P4HA3: variants seen among roughly 807,000 people sequenced by gnomAD.
The protein encoded by P4HA3 is prolyl 4-hydroxylase subunit alpha-3.
P4HA3 carries 60 observed loss-of-function variants against 66.7 expected under a neutral mutation model. The observed-to-expected ratio is 0.90, with a 90% CI of 0.73 to 1.12. The LOEUF (loss-of-function observed/expected upper bound fraction) is 1.12, where lower values mean the gene tolerates loss of function less well. P4HA3 is among the 50% of genes most tolerant of loss of function. The pLI is 0.00. For synonymous variants in P4HA3, 263 were observed against 274.6 expected, an observed-to-expected ratio of 0.96 and a Z score of 0.42; for missense variants, 683 against 685.8, an observed-to-expected ratio of 1.00 and a Z score of 0.05.
intron 10 of P4HA3, 77 bp from the exon 11 acceptor site, chr11:74,269,797 A>G: frequency 7.3e-7 from 1 of 1,372,156 alleles, no homozygotes; most frequent in Non-Finnish European, 1.0e-6. Context: ...TCACATCTGC[A>G]TAGATTCCTT....
chr11:74,252,559 A>G, intron 15 of P4HA3: 1 of 454,498 alleles, frequency 2.2e-6, no homozygotes, highest in Middle Eastern at 6.7e-4. Context: ...GCTCTAGAGC[A>G]GGGTTTTCAA....
At position 74,269,735 on chromosome 11, in the gene P4HA3, G is replaced by C. The variant is rs1363127321; in HGVS notation, c.1399-15C>G. 35 of 1,613,158 alleles carry C rather than the reference G, an allele frequency of 2.2e-5. No homozygotes were observed. Among genetic ancestry groups the C allele is most frequent in the Non-Finnish European group, 2.7e-5 (32 of 1,179,550 alleles). On this transcript the variant is annotated splice_polypyrimidine_tract_variant and intron_variant, in intron 10 of 12. Coordinates refer to ENST00000331597, the MANE Select transcript of P4HA3 (RefSeq NM_182904.5). ...ACCGAGCTCAGCTACAAGACCAGAG[G>C]AAGAAGCCAGAGTTAAAACTGCCAC...
intron 7 of P4HA3, 31 bp from the exon 8 acceptor site, chr11:74,279,483 G>C: frequency 6.2e-7 from 1 of 1,609,354 alleles, no homozygotes; most frequent in Non-Finnish European, 8.5e-7. Context: ...CAAAGTCCAA[G>C]TGGTTATGAT....
chr11:74,279,040 G>A (rs1860499478), intron 8 of P4HA3, among the ~76,000 whole-genome samples: 1 of 152,208 alleles, frequency 6.6e-6, no homozygotes, highest in Non-Finnish European at 1.5e-5. Context: ...TGAGTCAGGA[G>A]GTGGGAATGG....
chr11:74,292,251 C>A (rs1431444354), intron 4 of P4HA3, among the ~76,000 whole-genome samples: 1 of 152,156 alleles, frequency 6.6e-6, no homozygotes, highest in African/African-American at 2.4e-5. Flanking sequence ...TTATAGTATT[C>A]TCTGATGGTA....
chr11:74,289,486 G>C (rs931060777), intron 4 of P4HA3, among the ~76,000 whole-genome samples: 1 of 151,766 alleles, frequency 6.6e-6, no homozygotes, highest in African/African-American at 2.4e-5. Context: ...GGGTACATGT[G>C]CACAACGTGC....
At chr11:74,256,397 A>G (rs1289177493) in intron 15 of P4HA3, among the ~76,000 whole-genome samples, 1 of 152,228 alleles carries the variant, frequency 6.6e-6, no homozygotes, top group Admixed American at 6.5e-5. Flanking sequence ...TGTGAAGTAC[A>G]GGCACTATCC....
chr11:74,251,676 T>A, intron 15 of P4HA3: 3 of 1,613,880 alleles, frequency 1.9e-6, no homozygotes, highest in Non-Finnish European at 1.7e-6. Flanking sequence ...ACTTTCCTGA[T>A]CCGGCACAGG....
chr11:74,306,499 T>A (rs1434859236), intron 1 of P4HA3, among the ~76,000 whole-genome samples: 1 of 151,710 alleles, frequency 6.6e-6, no homozygotes, highest in Non-Finnish European at 1.5e-5. Context: ...AAAAATAGTA[T>A]AACAAGAATG....
Position 74,287,167 on chromosome 11 carries a change from C to T in P4HA3, c.770-776G>A, listed in dbSNP as rs1442816347. 8 of 1,263,838 alleles carry T rather than the reference C, an allele frequency of 6.3e-6. No individual in the cohort carries two copies. The South Asian group carries it at 9.1e-5, about 14-fold the overall frequency. The allele number at this position is 1,263,838 out of a possible 1,614,324, so 78.3% of individuals were successfully genotyped here. On this transcript the variant is annotated intron_variant, in intron 5 of 12. Transcript: ENST00000331597. ...ATGCCCCATGCATTGGCAGAGCTACCCGTGGCCTGCTGGCCTCTTTGCATG... is the reference window on the plus strand; with the variant it reads ...ATGCCCCATGCATTGGCAGAGCTACTCGTGGCCTGCTGGCCTCTTTGCATG...
rs1487109546 is a variant in P4HA3, at chr11:74,302,432, A to G, written c.504T>C (p.Thr168=). 1 of 1,614,024 alleles carries G rather than the reference A, an allele frequency of 6.2e-7. No homozygotes were observed. Among genetic ancestry groups the G allele is most frequent in the African/African-American group, 1.3e-5 (1 of 74,916 alleles). The change falls in exon 3 of 13, where the codon ACT becomes ACC. Residue 168 remains threonine, a synonymous_variant. Coordinates refer to ENST00000331597, the MANE Select transcript of P4HA3 (RefSeq NM_182904.5). ...AGAGCCGTTTGGGGCTGTACAGGTC[A>G]GTGATGGCAGAGCCAGTGACTCTCT... is the stretch of plus-strand genomic sequence containing the variant. ...VFQRVTGSAI[T]DLYSPKRLFS... is the part of the protein sequence containing the mutation.
Position 74,289,060 on chromosome 11 carries a change from T to C in P4HA3, c.769+19A>G. 1 of 1,518,016 alleles carries C rather than the reference T, an allele frequency of 6.6e-7. No individual in the cohort carries two copies. Among genetic ancestry groups the C allele is most frequent in the South Asian group, 1.3e-5 (1 of 74,480 alleles). 94.0% of individuals were successfully genotyped at this position (1,518,016 alleles called of 1,614,324 possible). On this transcript the variant is annotated intron_variant, in intron 5 of 12. Coordinates refer to ENST00000331597, the MANE Select transcript of P4HA3 (RefSeq NM_182904.5). ...GTAAATCAGACCTGTGGCTGGCTTA[T>C]CTTTTATCCATTACGTACTGTAGAG... is the stretch of plus-strand genomic sequence containing the variant.
intron 15 of P4HA3, among the ~76,000 whole-genome samples, chr11:74,258,459 CACGTTTACAACCTTTGAG>C (rs1429427543): frequency 6.6e-6 from 1 of 152,090 alleles, no homozygotes; most frequent in East Asian, 1.9e-4. Context: ...ATTTATAAAG[CACGTTTACAACCTTTGAG>C]ACCTCCTAAC....
At chr11:74,280,896 T>C (rs973967883) in intron 7 of P4HA3, among the ~76,000 whole-genome samples, 6 of 152,172 alleles carry the variant, frequency 3.9e-5, no homozygotes, top group Non-Finnish European at 7.3e-5. Flanking sequence ...TTTCCCCATC[T>C]AAATTCTGCA....
chr11:74,269,072 G>A (rs536156048), intron 11 of P4HA3, among the ~76,000 whole-genome samples: 3 of 152,306 alleles, frequency 2.0e-5, no homozygotes, highest in South Asian at 2.1e-4. Context: ...GAATGATCTC[G>A]TTTAGTTATC....
chr11:74,286,913 T>C (rs1860821033), intron 5 of P4HA3, among the ~76,000 whole-genome samples: 1 of 152,210 alleles, frequency 6.6e-6, no homozygotes, highest in East Asian at 1.9e-4. Context: ...CCAAAGCCTA[T>C]TGCAAAAGGA....
At chr11:74,307,734 A>G (rs1214471782) in intron 1 of P4HA3, among the ~76,000 whole-genome samples, 1 of 152,206 alleles carries the variant, frequency 6.6e-6, no homozygotes, top group Non-Finnish European at 1.5e-5. Context: ...TTCCTTCAAG[A>G]ATCTGCACAT....
At chr11:74,292,362 G>T (rs1861060297) in intron 4 of P4HA3, among the ~76,000 whole-genome samples, 1 of 151,964 alleles carries the variant, frequency 6.6e-6, no homozygotes. Context: ...CTTGCTAGCG[G>T]TCTATCAATT....
chr11:74,290,320 G>A (rs1233672770), intron 4 of P4HA3, among the ~76,000 whole-genome samples: 1 of 152,088 alleles, frequency 6.6e-6, no homozygotes, highest in African/African-American at 2.4e-5. Context: ...ATTTGTTTGA[G>A]TTCATTGTAG....
Sources: gnomAD v4.1 joint callset for allele counts (sites outside exome capture counted in the v4.1 genomes callset) on GRCh38, gnomAD v4.1.1 for gene constraint, MANE v1.5 for transcripts, NCBI Gene and HGNC (gene_info 2026-07-23, HGNC 2026-07-21) for gene names.